EML1: variants seen among roughly 807,000 people sequenced by gnomAD.
EML1 encodes echinoderm microtubule-associated protein-like 1.
Under a neutral mutation model 110.4 loss-of-function variants are expected in EML1, and 27 were observed. The ratio of observed to expected loss-of-function variants is 0.24; its 90% confidence interval spans 0.18 to 0.34. The LOEUF (loss-of-function observed/expected upper bound fraction) is 0.34, where lower values mean the gene tolerates loss of function less well. EML1 is among the 10% of genes least tolerant of loss of function. The probability of loss-of-function intolerance (pLI) is 1.00; values close to 1 mark genes in which losing one functional copy is unlikely to be tolerated. For synonymous variants in EML1, 344 were observed against 385.8 expected (o/e 0.89, Z 1.27); for missense variants, 741 against 1,030.9 (o/e 0.72, Z 3.85).
At chr14:99,840,285 A>G (rs1400482654) in intron 1 of EML1, among the ~76,000 whole-genome samples, 1 of 152,230 alleles carries the variant, frequency 6.6e-6, no homozygotes, top group Non-Finnish European at 1.5e-5. Flanking sequence ...TAAAAATTCT[A>G]TGTGTATTTT....
chr14:99,765,637 T>C (rs2057360484), intron 1 of EML1, among the ~76,000 whole-genome samples: 1 of 152,196 alleles, frequency 6.6e-6, no homozygotes, highest in Non-Finnish European at 1.5e-5. Flanking sequence ...AGAGTCTGGC[T>C]CTTTCGCCCA....
At chr14:99,774,109 G>A (rs1194796244) in intron 1 of EML1, 2 of 152,464 alleles carry the variant, frequency 1.3e-5, no homozygotes, top group African/African-American at 2.4e-5. Flanking sequence ...CACTTGGGGT[G>A]GGCAGAAAGA....
In EML1 at chr14:99,758,249, T is replaced by TTC. The variant is rs560744780; in HGVS notation, c.28+20390_28+20391dup. On this transcript the variant is annotated intron_variant, in intron 1 of 10. Coordinates refer to the EML1 transcript ENST00000554479. Reference sequence around the variant, plus strand: ...ATCATAAAAGAAATTACCTCCCCAGTTCACAGACAGGAAAGACTGAGGGCC... The same window carrying TTC: ...ATCATAAAAGAAATTACCTCCCCAGTTCTCACAGACAGGAAAGACTGAGGGCC... Among the ~76,000 whole-genome samples, 11 of 152,286 alleles carry TTC rather than the reference T, an allele frequency of 7.2e-5. No individual in the cohort carries two copies. The East Asian group carries it at 2.1e-3, about 29-fold the overall frequency.
intron 13 of EML1, among the ~76,000 whole-genome samples, chr14:99,912,330 C>T (rs2059960467): frequency 6.6e-6 from 1 of 152,070 alleles, no homozygotes; most frequent in African/African-American, 2.4e-5. Flanking sequence ...ACCCGGTGTA[C>T]CTCCCCATTA....
intron 9 of EML1, among the ~76,000 whole-genome samples, chr14:99,904,490 A>G (rs964970176): frequency 6.6e-6 from 1 of 152,242 alleles, no homozygotes; most frequent in African/African-American, 2.4e-5. Context: ...TACTTAATTC[A>G]TGTGAACTGA....
At chr14:99,892,133 A>G (rs1021006349) in intron 5 of EML1, 2 of 985,222 alleles carry the variant, frequency 2.0e-6, no homozygotes, top group Non-Finnish European at 2.4e-6. Flanking sequence ...CCGTCTCTTT[A>G]TCTAGCCCTT....
At chr14:99,904,762 G>C (rs1158783968) in intron 9 of EML1, among the ~76,000 whole-genome samples, 5 of 152,150 alleles carry the variant, frequency 3.3e-5, no homozygotes, top group Admixed American at 1.3e-4. Context: ...CAAGATAAGA[G>C]AGAAACTTTA....
chr14:99,821,009 A>G (rs1254389787), intron 1 of EML1, among the ~76,000 whole-genome samples: 2 of 149,576 alleles, frequency 1.3e-5, no homozygotes, highest in African/African-American at 2.5e-5. Context: ...TTGCAGCAGG[A>G]CTTCTTACAT....
At chr14:99,806,462 A>G (rs1385945466) in intron 1 of EML1, among the ~76,000 whole-genome samples, 1 of 151,770 alleles carries the variant, frequency 6.6e-6, no homozygotes, top group Admixed American at 6.6e-5. Context: ...GATTACAGGC[A>G]TGCTCCACCA....
chr14:99,765,678 C>T (rs1310537682), intron 1 of EML1, among the ~76,000 whole-genome samples: 1 of 152,088 alleles, frequency 6.6e-6, no homozygotes, highest in Non-Finnish European at 1.5e-5. Flanking sequence ...AATGTGGGCT[C>T]ACTGCAACCT....
At chr14:99,747,711 C>T (rs1288124317) in intron 1 of EML1, among the ~76,000 whole-genome samples, 1 of 152,148 alleles carries the variant, frequency 6.6e-6, no homozygotes, top group Non-Finnish European at 1.5e-5. Context: ...CTTATCTACT[C>T]TCTGCAGGGG....
chr14:99,879,134 G>A (rs777134327), intron 4 of EML1, among the ~76,000 whole-genome samples: 9 of 152,124 alleles, frequency 5.9e-5, no homozygotes, highest in African/African-American at 1.4e-4. Flanking sequence ...CATGAAATAC[G>A]TGGACTCCAA....
intron 1 of EML1, among the ~76,000 whole-genome samples, chr14:99,748,494 C>A (rs1037644746): frequency 4.0e-5 from 6 of 151,710 alleles, no homozygotes; most frequent in Non-Finnish European, 8.8e-5. Flanking sequence ...TTAGACCCAG[C>A]GCAGTGACTC....
At chr14:99,853,745 C>G (rs1189768074) in intron 2 of EML1, among the ~76,000 whole-genome samples, 2 of 152,190 alleles carry the variant, frequency 1.3e-5, no homozygotes, top group African/African-American at 2.4e-5. Context: ...TCTTGGTTCT[C>G]TGCAACCTCC....
In EML1 at chr14:99,939,171, C is replaced by T. The variant is rs765426908; in HGVS notation, c.2192-26C>T. 55 of 1,612,068 alleles carry T rather than the reference C, an allele frequency of 3.4e-5. 1 individual carries two copies. The South Asian group carries it at 4.8e-4, about 14-fold the overall frequency. ...GCCCTGTGGCCCCTGGTGTTTCCAG[C>T]GCCCTGTTTGTGGTCTTTGTTTTAG... is the stretch of plus-strand genomic sequence containing the variant. On this transcript the variant is annotated intron_variant, in intron 20 of 21. Coordinates refer to ENST00000262233, the MANE Select transcript of EML1 (RefSeq NM_004434.3). The surrounding 1 kb of genome is among the most constrained non-coding windows in gnomAD (Gnocchi z 4.2).
rs80346464 is a variant in EML1 at position 99,835,475 on chromosome 14, T to C, written c.68-15378T>C. The stretch of plus-strand genomic sequence containing the variant: ...TGTTTCATTGATTTTTGCTCTAATG[T>C]ATATTGCTTCGTTTTTTTCTGCATA... On this transcript the variant is annotated intron_variant, in intron 1 of 21. Transcript: ENST00000262233. Among the ~76,000 whole-genome samples the C allele has an allele frequency of 3.4e-3, 512 of 152,296 alleles. 5 individuals are homozygous for C. Among genetic ancestry groups the C allele is most frequent in the African/African-American group, 0.012 (489 of 41,572 alleles).
At chr14:99,837,105 T>C (rs997464144) in intron 1 of EML1, among the ~76,000 whole-genome samples, 17 of 152,052 alleles carry the variant, frequency 1.1e-4, no homozygotes, top group African/African-American at 3.6e-4. Flanking sequence ...GGGTAATCTT[T>C]CCAGATCTCT....
intron 1 of EML1, chr14:99,850,254 T>C (rs2058772925): frequency 1.6e-6 from 2 of 1,275,650 alleles, no homozygotes; most frequent in Admixed American, 4.6e-5. Flanking sequence ...AAGAATGATG[T>C]ACAATGAGAT....
At chr14:99,895,487 T>C (rs2059657165) in intron 6 of EML1, among the ~76,000 whole-genome samples, 1 of 152,174 alleles carries the variant, frequency 6.6e-6, no homozygotes, top group South Asian at 2.1e-4. Flanking sequence ...CAAGAAAATA[T>C]TGTCCTTATG....
Sources: gnomAD v4.1 joint callset for allele counts (sites outside exome capture counted in the v4.1 genomes callset) on GRCh38, gnomAD v4.1.1 for gene constraint, Gnocchi (gnomAD v3.1) non-coding constraint, MANE v1.5 for transcripts, NCBI Gene and HGNC (gene_info 2026-07-23, HGNC 2026-07-21) for gene names.